Variants in ECD observed in about 807,000 individuals in gnomAD.
ECD encodes protein ecdysoneless homolog.
ECD carries 59 observed loss-of-function variants against 77.2 expected under a neutral mutation model. That is an observed-to-expected ratio of 0.76 (90% CI 0.62 to 0.95). The LOEUF is 0.95. Ranked by LOEUF, ECD falls within the 40% of genes least tolerant of loss-of-function variation. The probability of loss-of-function intolerance (pLI) is 0.00; values close to 1 mark genes in which losing one functional copy is unlikely to be tolerated. For missense variants in ECD, 704 were observed against 763.4 expected, an observed-to-expected ratio of 0.92 and a Z score of 0.92; for synonymous variants, 233 against 267.4, an observed-to-expected ratio of 0.87 and a Z score of 1.26.
chr10:73,155,962 T>G (rs1344890813), intron 5 of ECD, among the ~76,000 whole-genome samples: 2 of 152,176 alleles, frequency 1.3e-5, no homozygotes, highest in Admixed American at 6.5e-5. Flanking sequence ...AGCTAATACT[T>G]AGCCACAATA....
chr10:73,156,237 G>C, intron 5 of ECD, 38 bp downstream of exon 5: 1 of 1,520,632 alleles, frequency 6.6e-7, no homozygotes, highest in East Asian at 2.3e-5. Flanking sequence ...GAAACCAAAA[G>C]GTTCCTTAAT....
intron 13 of ECD, 105 bp downstream of exon 13, chr10:73,136,599 A>T (rs1006076551): frequency 6.8e-6 from 7 of 1,026,904 alleles, no homozygotes; most frequent in Non-Finnish European, 8.5e-6. Flanking sequence ...ATTCTTATTT[A>T]TTTCAAATCT....
rs1172571159 is a variant in ECD at position 73,152,350 on chromosome 10, G to A, written c.855C>T (p.Tyr285=). 8 of 1,613,782 alleles carry A rather than the reference G, an allele frequency of 5.0e-6. No homozygotes were observed. The highest frequency in any genetic ancestry group is 1.6e-4 in the Middle Eastern group (1 of 6,084). ...GGGGATCAGATGGAGGAGGCAGCCT[G>A]TATCCACTCCGCCGGTCTGGCACAA... ...QRFVPDRRSG[Y]RLPPPSDPQY... The change falls in exon 7 of 14, where the codon TAC becomes TAT. Residue 285 remains tyrosine, a synonymous_variant. Transcript: ENST00000372979.
At chr10:73,147,412 G>A (rs1737397080) in intron 8 of ECD, among the ~76,000 whole-genome samples, 1 of 152,122 alleles carries the variant, frequency 6.6e-6, no homozygotes, top group South Asian at 2.1e-4. Context: ...GCTGGGTGTG[G>A]TAGTGTGGGC....
intron 7 of ECD, among the ~76,000 whole-genome samples, chr10:73,151,270 G>A (rs1843198856): frequency 6.6e-6 from 1 of 150,826 alleles, no homozygotes; most frequent in Non-Finnish European, 1.5e-5. Context: ...GCAAACTATT[G>A]CAAGGACAAA....
At chr10:73,136,294 T>C (rs541927247) in intron 13 of ECD, among the ~76,000 whole-genome samples, 1 of 152,328 alleles carries the variant, frequency 6.6e-6, no homozygotes, top group East Asian at 1.9e-4. Context: ...GTTTATTTAC[T>C]TATGTTATTT....
intron 3 of ECD, among the ~76,000 whole-genome samples, chr10:73,159,648 T>C (rs1843348693): frequency 7.2e-6 from 1 of 139,080 alleles, no homozygotes; most frequent in Non-Finnish European, 1.5e-5. Flanking sequence ...TTTAATTTTT[T>C]TTTTTTTTTT....
At chr10:73,162,149 A>C (rs1843388215) in intron 2 of ECD, among the ~76,000 whole-genome samples, 1 of 152,254 alleles carries the variant, frequency 6.6e-6, no homozygotes, top group Non-Finnish European at 1.5e-5. Flanking sequence ...TGACACAATC[A>C]AATTTGTGTT....
At chr10:73,154,967 C>T (rs1468075388) in intron 5 of ECD, among the ~76,000 whole-genome samples, 2 of 152,034 alleles carry the variant, frequency 1.3e-5, no homozygotes, top group African/African-American at 2.4e-5. Flanking sequence ...ACCTATTATA[C>T]TTTGGAATAA....
At position 73,158,865 on chromosome 10, in the gene ECD, C is replaced by T. The variant is rs372971497; in HGVS notation, c.323+1569G>A. Among the ~76,000 whole-genome samples the T allele has an allele frequency of 7.1e-4, 108 of 151,952 alleles. 3 individuals carry two copies. In the South Asian group the frequency reaches 0.021, roughly 30 times the overall value. ...CCCGCCTGGGCAAAATAGTAAGACC[C>T]CGTCTTTAAAAAACTAAATAAATAA... On this transcript the variant is annotated intron_variant, in intron 3 of 13. Transcript: ENST00000372979.
chr10:73,138,828 G>A (rs1843011247), intron 11 of ECD, among the ~76,000 whole-genome samples: 1 of 152,192 alleles, frequency 6.6e-6, no homozygotes, highest in African/African-American at 2.4e-5. Context: ...GTCTCCCAAA[G>A]TACTGGGATT....
At chr10:73,159,778 T>G (rs1843351224) in intron 3 of ECD, among the ~76,000 whole-genome samples, 1 of 150,474 alleles carries the variant, frequency 6.6e-6, no homozygotes, top group African/African-American at 2.4e-5. Context: ...CGAGTAGCTG[T>G]GATTACAGGC....
Position 73,160,519 on chromosome 10 carries a change from T to C in ECD, c.238A>G (p.Lys80Glu), listed in dbSNP as rs374987103. The C allele has an allele frequency of 3.2e-5, 51 of 1,611,482 alleles. No individual in the cohort carries two copies. Among genetic ancestry groups the C allele is most frequent in the African/African-American group, 5.3e-5 (4 of 74,804 alleles). The change falls in exon 3 of 14, where the codon AAG (lysine) becomes GAG (glutamate). Residue 80 changes from lysine (K) to glutamate (E), a missense_variant. Lys to Glu is a moderately conservative substitution (Grantham distance 56). This residue lies in a region of ECD where 559 missense variants were observed against 583.7 expected (regional missense o/e 0.96). Transcript: ENST00000372979. The stretch of plus-strand genomic sequence containing the variant: ...TCATCCTCAATGTTATCCCCAAACT[T>C]TGTCACGCCAAACATATGAGCAGGA... ...GVPAHMFGVTKFGDNIEDEWF... is the reference protein window; with the variant it reads ...GVPAHMFGVTEFGDNIEDEWF...
chr10:73,165,684 T>A (rs1220699088), intron 1 of ECD, among the ~76,000 whole-genome samples: 1 of 152,076 alleles, frequency 6.6e-6, no homozygotes, highest in African/African-American at 2.4e-5. Context: ...ATGAGATATT[T>A]TGATACAGGT....
chr10:73,162,233 T>C (rs1843389413), intron 2 of ECD, among the ~76,000 whole-genome samples: 1 of 152,158 alleles, frequency 6.6e-6, no homozygotes, highest in Non-Finnish European at 1.5e-5. Flanking sequence ...GAGGCTGTTG[T>C]TGTTTTCCAG....
chr10:73,136,837 A>T lies in ECD; in HGVS notation c.1571T>A (p.Phe524Tyr). Reference sequence around the variant, plus strand: ...CTCTTCGCCAGGTTCGTGTGTTTCAAAGTCCAAGTCATCATCACTATCTAA... The same window carrying T: ...CTCTTCGCCAGGTTCGTGTGTTTCATAGTCCAAGTCATCATCACTATCTAA... The part of the protein sequence containing the change: ...ECLDSDDDLD[F>Y]ETHEPGEEAS... Residue 524 changes from phenylalanine (F) to tyrosine (Y), a missense_variant, in exon 13 of 14, where the codon TTT (phenylalanine) becomes TAT (tyrosine). Phe to Tyr is a conservative substitution (Grantham distance 22). Around this residue, in one of 3 missense-constraint regions of ECD, gnomAD observed 142 missense variants for 163.6 expected, o/e 0.87. Transcript: ENST00000372979. 6.2e-7 allele frequency: 1 copy of T among 1,614,080 alleles called. No homozygotes were observed. Among genetic ancestry groups the T allele is most frequent in the South Asian group, 1.1e-5 (1 of 91,078 alleles).
At chr10:73,158,923 T>TATTTAAAAATTTAAATATTTATCTTTAA (rs1233128399) in intron 3 of ECD, among the ~76,000 whole-genome samples, 1 of 151,894 alleles carries the variant, frequency 6.6e-6, no homozygotes, top group Admixed American at 6.5e-5. Flanking sequence ...AAATTTTAAA[T>TATTTAAAAATTTAAATATTTATCTTTAA]AAATTTATTT....
At chr10:73,155,594 CTTTTTTT>C (rs537974204) in intron 5 of ECD, among the ~76,000 whole-genome samples, 2 of 124,830 alleles carry the variant, frequency 1.6e-5, no homozygotes, top group Non-Finnish European at 1.7e-5. Context: ...TAGGTTTCTA[CTTTTTTT>C]TTTTTTTTTT....
At chr10:73,166,130 C>T (rs538937349) in intron 1 of ECD, among the ~76,000 whole-genome samples, 1 of 152,130 alleles carries the variant, frequency 6.6e-6, no homozygotes, top group Non-Finnish European at 1.5e-5. Context: ...TCTTCAGTTC[C>T]ATCCATGTTG....
Sources: allele counts gnomAD v4.1 joint callset (sites outside exome capture counted in the v4.1 genomes callset), GRCh38; gene constraint gnomAD v4.1.1; regional missense constraint gnomAD v4.1.1; transcripts MANE v1.5; gene names NCBI Gene and HGNC (gene_info 2026-07-23, HGNC 2026-07-21).